ROCK1: variants seen among roughly 807,000 people sequenced by gnomAD.
The protein encoded by ROCK1 is Rho associated coiled-coil containing protein kinase 1, also known as rho-associated protein kinase 1.
Under a neutral mutation model 196.8 loss-of-function variants are expected in ROCK1, and 36 were observed. The ratio of observed to expected loss-of-function variants is 0.18; its 90% CI spans 0.14 to 0.24. The LOEUF is 0.24. Among genes scored for constraint, ROCK1 ranks in the 10% least tolerant of loss-of-function variants. The pLI, the probability that ROCK1 is intolerant of heterozygous loss-of-function variation, is 1.00. For missense variants in ROCK1, 920 were observed against 1,562.0 expected, an observed-to-expected ratio of 0.59 and a Z score of 6.93; for synonymous variants, 443 against 515.9, an observed-to-expected ratio of 0.86 and a Z score of 1.91.
chr18:21,059,984 A>C (rs1182062260), intron 2 of ROCK1, among the ~76,000 whole-genome samples: 1 of 152,234 alleles, frequency 6.6e-6, no homozygotes, highest in Non-Finnish European at 1.5e-5. Flanking sequence ...TAGAGTCGGC[A>C]AATCTATAGA....
At chr18:21,035,387 T>C (rs2036048088) in intron 9 of ROCK1, among the ~76,000 whole-genome samples, 1 of 152,172 alleles carries the variant, frequency 6.6e-6, no homozygotes. Flanking sequence ...TGGCTGAGCA[T>C]GGTGGCTCAT....
rs1423233532 is a variant in ROCK1 at position 20,967,739 on chromosome 18, A to G, written c.3192+13T>C. On this transcript the variant is annotated intron_variant, in intron 26 of 32. Transcript: ENST00000399799. ...CCTTCACACTCATATCCATACACAC[A>G]CAGAAACCTTACCGCTTGCATGTCA... 5.7e-6 allele frequency: 9 copies of G among 1,574,842 alleles called. No individual in the cohort carries two copies. Among genetic ancestry groups the G allele is most frequent in the African/African-American group, 1.4e-5 (1 of 72,952 alleles).
chr18:21,013,555 C>T (rs2143449890), intron 13 of ROCK1, among the ~76,000 whole-genome samples: 1 of 152,314 alleles, frequency 6.6e-6, no homozygotes, highest in South Asian at 2.1e-4. Context: ...GGGAGGGGCA[C>T]CCCCTTACTG....
chr18:21,001,958 G>A (rs1304843192), intron 16 of ROCK1, among the ~76,000 whole-genome samples: 7 of 151,892 alleles, frequency 4.6e-5, no homozygotes, highest in East Asian at 3.9e-4. Flanking sequence ...TACAAAAATC[G>A]ACAATTTTCA....
intron 14 of ROCK1, 119 bp from the exon 15 acceptor site, chr18:21,006,909 A>C: frequency 1.6e-6 from 1 of 628,170 alleles, no homozygotes; most frequent in South Asian, 2.8e-5. Context: ...CATTAGGTCC[A>C]CTCCCAAAGC....
intron 22 of ROCK1, among the ~76,000 whole-genome samples, chr18:20,974,531 GC>G (rs2035460963): frequency 6.6e-6 from 1 of 152,228 alleles, no homozygotes; most frequent in East Asian, 1.9e-4. Flanking sequence ...AAGAGAAAAA[GC>G]AAGAAAGAAT....
chr18:20,953,440 TAA>T (rs2035209950), intron 32 of ROCK1, 136 bp downstream of exon 32: 1 of 546,646 alleles, frequency 1.8e-6, no homozygotes, highest in Non-Finnish European at 3.3e-6. Context: ...AACTAATTTA[TAA>T]AGTCACTGCA....
intron 16 of ROCK1, among the ~76,000 whole-genome samples, chr18:21,001,443 A>G (rs1434299456): frequency 6.6e-6 from 1 of 152,198 alleles, no homozygotes; most frequent in Admixed American, 6.5e-5. Context: ...CACCTTAATT[A>G]AAAAATATAG....
intron 2 of ROCK1, among the ~76,000 whole-genome samples, chr18:21,054,959 C>A (rs1378204427): frequency 6.6e-6 from 1 of 152,190 alleles, no homozygotes; most frequent in Non-Finnish European, 1.5e-5. Flanking sequence ...ACAACCCCAA[C>A]CCCACCAGGA....
chr18:21,106,580 C>A (rs2036705030), intron 1 of ROCK1, among the ~76,000 whole-genome samples: 1 of 152,098 alleles, frequency 6.6e-6, no homozygotes, highest in African/African-American at 2.4e-5. Flanking sequence ...TTATTACAGG[C>A]CCTAGACAAA....
At chr18:21,049,383 C>T (rs1427901091) in intron 3 of ROCK1, among the ~76,000 whole-genome samples, 154 bp from the exon 4 acceptor site, 1 of 152,144 alleles carries the variant, frequency 6.6e-6, no homozygotes. Flanking sequence ...CCAAATTATT[C>T]CAAGTAGCTA....
rs2035178482 is a variant in ROCK1 at position 20,950,751 on chromosome 18, CAT to C, written c.*631_*632del. On this transcript the variant is annotated 3_prime_UTR_variant, in exon 33 of 33. Transcript: ENST00000399799. ...CTCCCATTCCCCAAACTTGCTGAAA[CAT>C]ATACAGTATTTTGTAAAGCATAATG... is the stretch of plus-strand genomic sequence containing the variant. The C allele has an allele frequency of 6.6e-6, 1 of 152,518 alleles. No homozygotes were observed. The highest frequency in any genetic ancestry group is 2.4e-5 in the African/African-American group (1 of 41,398). 9.4% of individuals were successfully genotyped at this position (152,518 alleles called of 1,614,324 possible). A position where few individuals can be genotyped will look rare whatever the true frequency, so the allele number is the denominator to read the frequency against.
At chr18:21,066,911 C>A (rs1296457823) in intron 2 of ROCK1, among the ~76,000 whole-genome samples, 2 of 152,170 alleles carry the variant, frequency 1.3e-5, no homozygotes, top group African/African-American at 4.8e-5. Context: ...TTTGTGCAGA[C>A]ATATGCTTTC....
Position 21,110,941 on chromosome 18 carries a change from C to T in ROCK1, c.-31G>A, listed in dbSNP as rs773881785. On this transcript the variant is annotated 5_prime_UTR_variant, in exon 1 of 33. Coordinates refer to ENST00000399799, the MANE Select transcript of ROCK1 (RefSeq NM_005406.3). Reference sequence around the variant, plus strand: ...TGCTGCTGTGACAATGCCCTCTTACCAGCACCAGCAGCGGAAAGCAATTTC... The same window carrying T: ...TGCTGCTGTGACAATGCCCTCTTACTAGCACCAGCAGCGGAAAGCAATTTC... 1 of 1,560,272 alleles carries T rather than the reference C, an allele frequency of 6.4e-7. No individual in the cohort carries two copies. The highest frequency in any genetic ancestry group is 2.2e-5 in the East Asian group (1 of 44,584).
chr18:21,085,171 G>A (rs982626373), intron 1 of ROCK1, among the ~76,000 whole-genome samples: 1 of 151,872 alleles, frequency 6.6e-6, no homozygotes, highest in African/African-American at 2.4e-5. Context: ...AACAGATACT[G>A]GTGAAAACAC....
At chr18:21,036,650 A>G (rs891589429) in intron 9 of ROCK1, among the ~76,000 whole-genome samples, 4 of 151,834 alleles carry the variant, frequency 2.6e-5, no homozygotes, top group Non-Finnish European at 4.4e-5. Flanking sequence ...GTCTCGCAAC[A>G]TTACCCAGGT....
chr18:20,988,466 C>T (rs1177037119), intron 18 of ROCK1, among the ~76,000 whole-genome samples: 1 of 152,164 alleles, frequency 6.6e-6, no homozygotes, highest in Non-Finnish European at 1.5e-5. Context: ...TAACTGATCT[C>T]CCTTTTTATC....
In ROCK1 at chr18:20,947,967, G is replaced by A. The variant is rs2035145416; in HGVS notation, c.*3417C>T. 1 of 151,746 alleles carries A rather than the reference G, an allele frequency of 6.6e-6. No homozygotes were observed. Among genetic ancestry groups the A allele is most frequent in the Non-Finnish European group, 1.5e-5 (1 of 67,942 alleles). The allele number at this position is 151,746 out of a possible 1,614,324, so 9.4% of individuals were successfully genotyped here. A position where few individuals can be genotyped will look rare whatever the true frequency, so the allele number is the denominator to read the frequency against. On this transcript the variant is annotated 3_prime_UTR_variant, in exon 33 of 33. Coordinates refer to ENST00000399799, the MANE Select transcript of ROCK1 (RefSeq NM_005406.3). ...TCTACTAAAAATACAAAAATTAGCT[G>A]GGCATGGTGGTGGGCACCTGTAATC...
At chr18:20,958,037 G>C (rs375735216) in intron 29 of ROCK1, among the ~76,000 whole-genome samples, 1 of 152,062 alleles carries the variant, frequency 6.6e-6, no homozygotes, top group East Asian at 1.9e-4. Context: ...TTACTGAAGA[G>C]AACACTTAAG....
Sources: gnomAD v4.1 joint callset for allele counts (sites outside exome capture counted in the v4.1 genomes callset) on GRCh38, gnomAD v4.1.1 for gene constraint, MANE v1.5 for transcripts, NCBI Gene and HGNC (gene_info 2026-07-23, HGNC 2026-07-21) for gene names.